The following DNAI4 variants were observed in gnomAD, a reference collection of about 807,000 sequenced individuals.
DNAI4 encodes dynein axonemal intermediate chain 4.
In DNAI4, 85 loss-of-function variants were observed where a neutral mutation model predicts 105.8. That is an observed-to-expected ratio of 0.80 (90% CI 0.67 to 0.96). The LOEUF is 0.96. Among genes scored for constraint, DNAI4 ranks in the 40% least tolerant of loss-of-function variants. DNAI4 has a pLI of 0.00. For missense variants in DNAI4, 1,014 were observed against 1,005.6 expected, an observed-to-expected ratio of 1.01 and a Z score of -0.11; for synonymous variants, 352 against 331.5, an observed-to-expected ratio of 1.06 and a Z score of -0.67.
chr1:66,837,774 C>T lies in DNAI4; in HGVS notation c.1517G>A (p.Gly506Glu). The T allele has an allele frequency of 6.2e-7, 1 of 1,604,468 alleles. No individual in the cohort carries two copies. Among genetic ancestry groups the T allele is most frequent in the East Asian group, 2.2e-5 (1 of 44,524 alleles). Reference sequence around the variant, plus strand: ...TTTTTGCTCTTTAAATCCAAAGTGCCCATAGCCAACAGCCAAAAGATCCTG... The same window carrying T: ...TTTTTGCTCTTTAAATCCAAAGTGCTCATAGCCAACAGCCAAAAGATCCTG... ...TNPDLLAVGY[G>E]HFGFKEQKRG... The change falls in exon 10 of 17, where the codon GGG (glycine) becomes GAG (glutamate). Residue 506 changes from glycine to glutamate, a missense_variant. Coordinates refer to ENST00000371026, the MANE Select transcript of DNAI4 (RefSeq NM_024763.5).
At chr1:66,914,090 G>C (rs779862302) in intron 1 of DNAI4, among the ~76,000 whole-genome samples, 2 of 151,268 alleles carry the variant, frequency 1.3e-5, no homozygotes, top group Non-Finnish European at 2.9e-5. Flanking sequence ...CCAGGCCACA[G>C]CTCTGTTCCT....
chr1:66,858,806 T>C (rs1197608245), intron 7 of DNAI4, among the ~76,000 whole-genome samples: 2 of 152,138 alleles, frequency 1.3e-5, no homozygotes, highest in Non-Finnish European at 2.9e-5. Context: ...GGGAACTTCC[T>C]GAACTTGATA....
chr1:66,917,176 TTATTGG>T, intron 1 of DNAI4, among the ~76,000 whole-genome samples: 1 of 152,364 alleles, frequency 6.6e-6, no homozygotes, highest in African/African-American at 2.4e-5. Context: ...TGTATAAATG[TTATTGG>T]TATGTGTTCC....
At chr1:66,822,583 G>C (rs1022748234) in intron 15 of DNAI4, 66 bp from the exon 16 acceptor site, 1 of 1,307,796 alleles carries the variant, frequency 7.6e-7, no homozygotes, top group Non-Finnish European at 1.0e-6. Context: ...AATAGACAAA[G>C]AAAAATTTGA....
At chr1:66,883,180 C>CTTTTTTTTTTTTTTT (rs755412295) in intron 4 of DNAI4, among the ~76,000 whole-genome samples, 2 of 93,022 alleles carry the variant, frequency 2.2e-5, no homozygotes, top group African/African-American at 8.5e-5. Flanking sequence ...GTTTTCTTTT[C>CTTTTTTTTTTTTTTT]TTTTTTTTTT....
intron 6 of DNAI4, 124 bp downstream of exon 6, chr1:66,871,246 T>C (rs1021150929): frequency 4.0e-6 from 3 of 754,984 alleles, no homozygotes; most frequent in African/African-American, 1.8e-5. Flanking sequence ...CCAACTACTG[T>C]TGTGGTTTGG....
chr1:66,895,955 T>C (rs899584481), intron 2 of DNAI4, among the ~76,000 whole-genome samples: 2 of 152,140 alleles, frequency 1.3e-5, no homozygotes, highest in Non-Finnish European at 2.9e-5. Context: ...TACTGAACTT[T>C]ATTGGATAAT....
At chr1:66,867,730 G>A (rs554675558) in intron 6 of DNAI4, among the ~76,000 whole-genome samples, 1 of 152,152 alleles carries the variant, frequency 6.6e-6, no homozygotes, top group African/African-American at 2.4e-5. Context: ...TAGCTAAGTA[G>A]ACACTAATGT....
rs762350157 is a variant in DNAI4, at chr1:66,874,833, C to T, written c.748G>A (p.Asp250Asn). Residue 250 changes from aspartate to asparagine, a missense_variant, in exon 5 of 17, where the codon GAC becomes AAC. Asp to Asn is a conservative substitution (Grantham distance 23, BLOSUM62 1). Coordinates refer to ENST00000371026, the MANE Select transcript of DNAI4 (RefSeq NM_024763.5). ...ACAGAGACCATGACTGTGGGCAAGT[C>T]AAAAAATCTCAGTGTTTCTGTCTCT... ...LTETETLRFF[D>N]LPTVMVSVES... is the part of the protein sequence containing the mutation. 2 of 1,613,564 alleles carry T rather than the reference C, an allele frequency of 1.2e-6. No individual in the cohort carries two copies. The highest frequency in any genetic ancestry group is 2.2e-5 in the East Asian group (1 of 44,844).
At chr1:66,832,632 A>T (rs1425162867) in intron 13 of DNAI4, among the ~76,000 whole-genome samples, 1 of 152,154 alleles carries the variant, frequency 6.6e-6, no homozygotes, top group Non-Finnish European at 1.5e-5. Flanking sequence ...AGTCAATAAT[A>T]ATTTAATTGT....
chr1:66,886,198 A>G (rs1186501122), intron 4 of DNAI4, among the ~76,000 whole-genome samples: 1 of 152,152 alleles, frequency 6.6e-6, no homozygotes, highest in African/African-American at 2.4e-5. Flanking sequence ...AGTCTTTCGT[A>G]TAATTTTCAT....
chr1:66,888,538 C>T (rs564961878), intron 4 of DNAI4, among the ~76,000 whole-genome samples: 1 of 152,072 alleles, frequency 6.6e-6, no homozygotes, highest in South Asian at 2.1e-4. Flanking sequence ...ACTAAAAATA[C>T]AAAAATTAGC....
chr1:66,814,847 TA>T (rs1645484736), intron 16 of DNAI4, among the ~76,000 whole-genome samples: 10 of 152,144 alleles, frequency 6.6e-5, no homozygotes, highest in Non-Finnish European at 1.3e-4. Context: ...ACTTAGAGAG[TA>T]GAACTTCTCA....
intron 8 of DNAI4, among the ~76,000 whole-genome samples, chr1:66,843,261 A>G (rs1182164175): frequency 1.3e-5 from 2 of 150,756 alleles, no homozygotes; most frequent in Non-Finnish European, 3.0e-5. Context: ...ATGAAGAAGA[A>G]CAAGAAGAAG....
At chr1:66,819,140 C>T (rs1016492187) in intron 16 of DNAI4, among the ~76,000 whole-genome samples, 2 of 152,080 alleles carry the variant, frequency 1.3e-5, no homozygotes, top group African/African-American at 4.8e-5. Flanking sequence ...TTCTCTCAAG[C>T]AACTTCCTTA....
chr1:66,924,021 G>C (rs1650856115), intron 1 of DNAI4, among the ~76,000 whole-genome samples: 2 of 152,204 alleles, frequency 1.3e-5, no homozygotes, highest in Non-Finnish European at 2.9e-5. Flanking sequence ...TGTTCGGCCT[G>C]GTGGCTCACA....
chr1:66,902,002 G>A (rs2100817762), intron 2 of DNAI4, among the ~76,000 whole-genome samples: 2 of 152,142 alleles, frequency 1.3e-5, no homozygotes, highest in Middle Eastern at 6.8e-3. Context: ...GTTCAGGCTG[G>A]TCTCAAACTC....
intron 1 of DNAI4, among the ~76,000 whole-genome samples, chr1:66,906,577 T>C (rs1057160353): frequency 6.6e-6 from 1 of 152,188 alleles, no homozygotes; most frequent in African/African-American, 2.4e-5. Flanking sequence ...AATGTAAGCA[T>C]GTTTAGGGCA....
intron 3 of DNAI4, 112 bp downstream of exon 3, chr1:66,893,103 AAGAAAGAAAGAAAG>A (rs1647972449): frequency 2.2e-6 from 1 of 461,204 alleles, no homozygotes; most frequent in East Asian, 3.4e-5. Flanking sequence ...GAAAGAAAGA[AAGAAAGAAAGAAAG>A]AAAGAAACTG....
Sources: gnomAD v4.1 joint callset for allele counts (sites outside exome capture counted in the v4.1 genomes callset) on GRCh38, gnomAD v4.1.1 for gene constraint, MANE v1.5 for transcripts, NCBI Gene and HGNC (gene_info 2026-07-23, HGNC 2026-07-21) for gene names.